Variants in INTS6 observed in about 807,000 individuals in gnomAD.
INTS6 encodes the protein DEAD box protein.
Under a neutral mutation model 104.9 loss-of-function variants are expected in INTS6, and 16 were observed. That is an observed-to-expected ratio of 0.15 (90% CI 0.10 to 0.23). INTS6 has a LOEUF of 0.23. Ranked by LOEUF, INTS6 falls within the 10% of genes least tolerant of loss-of-function variation. The pLI is 1.00. For missense variants in INTS6, 584 were observed against 1,062.8 expected, an observed-to-expected ratio of 0.55 and a Z score of 6.26; for synonymous variants, 324 against 358.7, an observed-to-expected ratio of 0.90 and a Z score of 1.09.
At chr13:51,356,237 A>G (rs1433231003) in intron 3 of INTS6, among the ~76,000 whole-genome samples, 1 of 152,152 alleles carries the variant, frequency 6.6e-6, no homozygotes, top group African/African-American at 2.4e-5. Flanking sequence ...CTTGGCACAC[A>G]GTTGGATACC....
chr13:51,344,361 A>G, the INTS6 span: 2 of 1,613,716 alleles, frequency 1.2e-6, no homozygotes, highest in Non-Finnish European at 1.7e-6. Context: ...TGGGAACGCC[A>G]CTGTCCCCCT....
the INTS6 span, chr13:51,348,429 C>T: frequency 1.2e-6 from 2 of 1,604,382 alleles, no homozygotes; most frequent in Non-Finnish European, 8.5e-7. Flanking sequence ...GCTGAGTCCC[C>T]CTCACAGGTG....
chr13:51,450,456 G>C lies in INTS6; in HGVS notation c.339+569C>G, dbSNP rs767277788. On this transcript the variant is annotated intron_variant, in intron 3 of 17. Coordinates refer to ENST00000311234, the MANE Select transcript of INTS6 (RefSeq NM_012141.3). The stretch of plus-strand genomic sequence containing the variant: ...TTTGGAGTTTAAATCAAAACTCTGG[G>C]CCTGAAATTTAATTCAGAGTTCTTC... The C allele has an allele frequency of 1.2e-5, 12 of 985,360 alleles. No homozygotes were observed. The African/African-American group carries it at 1.9e-4, about 16-fold the overall frequency. The allele number at this position is 985,360 out of a possible 1,614,324, so 61.0% of individuals were successfully genotyped here.
Position 51,364,291 on chromosome 13 carries a change from T to C in INTS6, c.*1461A>G. The C allele has an allele frequency of 7.0e-7, 1 of 1,432,754 alleles. No homozygotes were observed. Among genetic ancestry groups the C allele is most frequent in the Non-Finnish European group, 9.4e-7 (1 of 1,062,540 alleles). The allele number at this position is 1,432,754 out of a possible 1,614,324, so 88.8% of individuals were successfully genotyped here. On this transcript the variant is annotated 3_prime_UTR_variant, in exon 18 of 18. Coordinates refer to ENST00000311234, the MANE Select transcript of INTS6 (RefSeq NM_012141.3). ...CAAATCCCCTAGACTAAATGCATGTTCTCCACTTTCATCAATGCTTTTCTT... is the reference window on the plus strand; with the variant it reads ...CAAATCCCCTAGACTAAATGCATGTCCTCCACTTTCATCAATGCTTTTCTT...
At chr13:51,348,362 C>A in the INTS6 span, 11 of 1,613,958 alleles carry the variant, frequency 6.8e-6, no homozygotes, top group African/African-American at 1.3e-5. Context: ...CACCATCCAC[C>A]TCTGGACCAC....
intron 3 of INTS6, chr13:51,447,734 A>G (rs753334487): frequency 2.5e-4 from 21 of 83,202 alleles, no homozygotes; most frequent in South Asian, 9.1e-4. Flanking sequence ...TAATTTACTG[A>G]AAAAAAAAAA....
Position 51,362,064 on chromosome 13 carries a change from G to C in INTS6, c.*3688C>G, listed in dbSNP as rs17837214. ...CTATCCTAAGAAAGGGGACTATTTC[G>C]TAAGTACAAAGGAAACTTATCCTCC... is the stretch of plus-strand genomic sequence containing the variant. On this transcript the variant is annotated 3_prime_UTR_variant, in exon 18 of 18. Coordinates refer to ENST00000311234, the MANE Select transcript of INTS6 (RefSeq NM_012141.3). The C allele has an allele frequency of 5.1e-6, 8 of 1,569,224 alleles. No individual in the cohort carries two copies. The highest frequency in any genetic ancestry group is 5.1e-6 in the Non-Finnish European group (6 of 1,165,932).
rs531610780 is a variant in INTS6, at chr13:51,376,252, T to C, written c.1603-78A>G. On this transcript the variant is annotated intron_variant, in intron 12 of 17. Transcript: ENST00000311234. The stretch of plus-strand genomic sequence containing the variant: ...AGACTAAAATCTCTAGCCTGCAGCA[T>C]AGGTTTGGAAATAAGATATATAAAC... The C allele has an allele frequency of 5.1e-6, 6 of 1,187,960 alleles. No homozygotes were observed. In the South Asian group the frequency reaches 5.5e-5, roughly 11 times the overall value. 73.6% of individuals were successfully genotyped at this position (1,187,960 alleles called of 1,614,324 possible).
chr13:51,410,012 A>G (rs907668041), intron 4 of INTS6, among the ~76,000 whole-genome samples: 3 of 152,216 alleles, frequency 2.0e-5, no homozygotes, highest in African/African-American at 7.2e-5. Flanking sequence ...TAATAACATC[A>G]AAATATATAA....
the INTS6 span, among the ~76,000 whole-genome samples, chr13:51,338,683 G>T: frequency 2.6e-5 from 4 of 152,216 alleles, 1 homozygote; most frequent in Middle Eastern, 6.3e-3. Context: ...TGAATCTAAA[G>T]TAAAGATTTG....
the INTS6 span, among the ~76,000 whole-genome samples, chr13:51,346,263 T>A: frequency 6.6e-6 from 1 of 152,050 alleles, no homozygotes; most frequent in Admixed American, 6.5e-5. Flanking sequence ...GACCATACCT[T>A]GAATATTGTT....
At chr13:51,398,578 A>G (rs1466361806) in intron 4 of INTS6, among the ~76,000 whole-genome samples, 1 of 152,164 alleles carries the variant, frequency 6.6e-6, no homozygotes, top group East Asian at 1.9e-4. Flanking sequence ...ATAAAGCAAT[A>G]GGAACTCTCC....
At chr13:51,451,952 G>GA (rs761497006) in intron 2 of INTS6, 26 bp downstream of exon 2, 2 of 1,571,082 alleles carry the variant, frequency 1.3e-6, no homozygotes, top group South Asian at 2.2e-5. Flanking sequence ...GGGAAGGGAG[G>GA]AAAGGGGGAG....
Position 51,378,409 on chromosome 13 carries a change from C to G in INTS6, c.1432G>C (p.Val478Leu). The G allele has an allele frequency of 6.2e-7, 1 of 1,613,316 alleles. No homozygotes were observed. Among genetic ancestry groups the G allele is most frequent in the Non-Finnish European group, 8.5e-7 (1 of 1,179,434 alleles). The change falls in exon 12 of 18, where the codon GTA (valine) becomes CTA (leucine). Residue 478 changes from valine (V) to leucine (L), a missense_variant. Transcript: ENST00000311234. ...ACTTTTATTCCAGTCTCCTGTACTA[C>G]TTTTTTGCCTACAGATCCAATGACT... Reference protein sequence around the residue: ...DRVIGSVGKKVVQETGIKVRS... With the variant: ...DRVIGSVGKKLVQETGIKVRS...
At chr13:51,451,745 C>T (rs1298270754) in intron 2 of INTS6, among the ~76,000 whole-genome samples, 6 of 150,002 alleles carry the variant, frequency 4.0e-5, no homozygotes, top group African/African-American at 7.3e-5. Flanking sequence ...CCGCCGCCGC[C>T]GCTGCCGGGC....
intron 3 of INTS6, 127 bp from the exon 4 acceptor site, chr13:51,430,510 T>TG (rs1413584102): frequency 1.7e-6 from 1 of 576,328 alleles, no homozygotes; most frequent in Admixed American, 3.2e-5. Context: ...AGTATGTACC[T>TG]GTTTGTACAT....
At position 51,408,322 on chromosome 13, in the gene INTS6, T is replaced by G. The variant is rs536359432; in HGVS notation, c.430-12839A>C. On this transcript the variant is annotated intron_variant, in intron 4 of 17. Transcript: ENST00000311234. ...CCATGCCCAGCTAACTTTTTGTATT[T>G]TTAGTAGAGACGGGGTTTCACTATG... Among the ~76,000 whole-genome samples the G allele has an allele frequency of 2.6e-5, 4 of 152,028 alleles. No individual in the cohort carries two copies. The East Asian group carries it at 7.8e-4, about 30-fold the overall frequency.
chr13:51,338,871 G>C, the INTS6 span, among the ~76,000 whole-genome samples: 1 of 152,184 alleles, frequency 6.6e-6, no homozygotes. Context: ...AGATGCCTGA[G>C]AGATAATTAT....
intron 12 of INTS6, among the ~76,000 whole-genome samples, chr13:51,377,204 A>G (rs747446157): frequency 6.6e-6 from 1 of 152,014 alleles, no homozygotes; most frequent in Non-Finnish European, 1.5e-5. Flanking sequence ...GTCTGTTCAA[A>G]TATTTTGCCC....
Sources: allele counts gnomAD v4.1 joint callset (sites outside exome capture counted in the v4.1 genomes callset), GRCh38; gene constraint gnomAD v4.1.1; transcripts MANE v1.5; gene names NCBI Gene and HGNC (gene_info 2026-07-23, HGNC 2026-07-21).